The following FGF14 variants were observed in gnomAD, a reference collection of about 807,000 sequenced individuals.
The protein encoded by FGF14 is fibroblast growth factor 14.
A neutral mutation model predicts 25.5 loss-of-function variants in FGF14; 5 were observed. The ratio of observed to expected loss-of-function variants is 0.20; its 90% CI spans 0.10 to 0.41. The LOEUF is 0.41. Among genes scored for constraint, FGF14 ranks in the 10% least tolerant of loss-of-function variants. The pLI is 1.00. For missense variants in FGF14, 222 were observed against 320.1 expected (o/e 0.69, Z 2.34); for synonymous variants, 138 against 118.3 (o/e 1.17, Z -1.08).
At chr13:101,765,680 T>G (rs1010854135) in intron 3 of FGF14, among the ~76,000 whole-genome samples, 1 of 151,752 alleles carries the variant, frequency 6.6e-6, no homozygotes, top group Admixed American at 6.6e-5. Context: ...AAATCCTCTG[T>G]GCATATAGAA....
intron 3 of FGF14, among the ~76,000 whole-genome samples, chr13:101,805,181 A>G (rs757757923): frequency 2.0e-5 from 3 of 152,174 alleles, no homozygotes; most frequent in Admixed American, 6.6e-5. Flanking sequence ...GAAGCCTGAT[A>G]GGGTTGAGAA....
intron 1 of FGF14, among the ~76,000 whole-genome samples, chr13:102,036,728 C>G (rs570245440): frequency 2.0e-5 from 3 of 152,018 alleles, no homozygotes; most frequent in African/African-American, 7.2e-5. Context: ...AGAAGAACAA[C>G]AACAACAACA....
At chr13:102,363,330 T>A (rs1449544350) in intron 1 of FGF14, among the ~76,000 whole-genome samples, 3 of 152,190 alleles carry the variant, frequency 2.0e-5, no homozygotes, top group African/African-American at 7.2e-5. Context: ...AAATATTCAT[T>A]TGGGATGGCA....
At chr13:101,806,921 A>G (rs1282310192) in intron 3 of FGF14, among the ~76,000 whole-genome samples, 1 of 152,188 alleles carries the variant, frequency 6.6e-6, no homozygotes, top group Non-Finnish European at 1.5e-5. Flanking sequence ...ACTAGATTTA[A>G]TACCTACTCA....
intron 1 of FGF14, among the ~76,000 whole-genome samples, chr13:102,141,090 A>G (rs948072833): frequency 6.6e-6 from 1 of 152,220 alleles, no homozygotes; most frequent in South Asian, 2.1e-4. Context: ...AATATATTGT[A>G]GGGCTTCCTC....
At chr13:101,772,965 T>C (rs1461633463) in intron 3 of FGF14, among the ~76,000 whole-genome samples, 1 of 152,144 alleles carries the variant, frequency 6.6e-6, no homozygotes, top group East Asian at 1.9e-4. Flanking sequence ...ATAAAAAATA[T>C]ATAGATAGCA....
chr13:102,119,029 C>T (rs1207020609), intron 1 of FGF14, among the ~76,000 whole-genome samples: 1 of 149,758 alleles, frequency 6.7e-6, no homozygotes, highest in East Asian at 1.9e-4. Context: ...TTCAGCCAAA[C>T]ATCATCACTG....
intron 1 of FGF14, among the ~76,000 whole-genome samples, chr13:102,147,939 ATAAG>A (rs1381594457): frequency 6.6e-6 from 1 of 152,232 alleles, no homozygotes; most frequent in Non-Finnish European, 1.5e-5. Context: ...GCACACACAC[ATAAG>A]TAATAATTAC....
chr13:101,824,310 G>C (rs1195731104), intron 3 of FGF14, among the ~76,000 whole-genome samples: 1 of 152,026 alleles, frequency 6.6e-6, no homozygotes, highest in African/African-American at 2.4e-5. Context: ...AATATGATGG[G>C]CTTATATTTA....
intron 1 of FGF14, among the ~76,000 whole-genome samples, chr13:102,118,294 C>A (rs934461343): frequency 1.3e-5 from 2 of 151,808 alleles, no homozygotes; most frequent in Non-Finnish European, 2.9e-5. Context: ...AGGAACCAAG[C>A]TTGTTAATGT....
chr13:101,837,740 T>C (rs2042996465), intron 3 of FGF14, among the ~76,000 whole-genome samples: 1 of 152,092 alleles, frequency 6.6e-6, no homozygotes. Context: ...TATCCTGAAA[T>C]ATATTCTGAT....
At chr13:102,234,206 C>T (rs1273810396) in intron 1 of FGF14, among the ~76,000 whole-genome samples, 1 of 151,254 alleles carries the variant, frequency 6.6e-6, no homozygotes, top group East Asian at 2.0e-4. Flanking sequence ...GTACTTAATA[C>T]CATGGAAATA....
At chr13:101,968,628 G>C (rs934374796) in intron 1 of FGF14, among the ~76,000 whole-genome samples, 9 of 142,950 alleles carry the variant, frequency 6.3e-5, no homozygotes, top group African/African-American at 1.0e-4. Flanking sequence ...AGCTGAGATC[G>C]TGCCACTGCA....
At chr13:101,762,267 T>C (rs558715350) in intron 3 of FGF14, among the ~76,000 whole-genome samples, 1 of 152,182 alleles carries the variant, frequency 6.6e-6, no homozygotes, top group Non-Finnish European at 1.5e-5. Context: ...TATTTTGAAA[T>C]AGCAAGACAC....
intron 1 of FGF14, among the ~76,000 whole-genome samples, chr13:101,927,784 T>A (rs1203061032): frequency 6.6e-6 from 1 of 152,096 alleles, no homozygotes; most frequent in Non-Finnish European, 1.5e-5. Context: ...CTCCTGGCTT[T>A]CCCAACACAC....
chr13:102,270,702 G>A (rs186576237), intron 1 of FGF14, among the ~76,000 whole-genome samples: 62 of 151,996 alleles, frequency 4.1e-4, no homozygotes, highest in Non-Finnish European at 4.3e-4. Flanking sequence ...TTTATGTCTG[G>A]GTATTTGTTT....
chr13:102,199,844 A>G (rs566034697), intron 1 of FGF14, among the ~76,000 whole-genome samples: 34 of 152,170 alleles, frequency 2.2e-4, no homozygotes, highest in African/African-American at 7.0e-4. Flanking sequence ...TTCTCTCCCT[A>G]TCTGAGACCC....
intron 1 of FGF14, among the ~76,000 whole-genome samples, chr13:102,386,125 A>G (rs1295008271): frequency 6.6e-6 from 1 of 151,444 alleles, no homozygotes; most frequent in Non-Finnish European, 1.5e-5. Context: ...CCAACAAAAT[A>G]TACAGTAATT....
chr13:102,205,400 T>C (rs1285283539), intron 1 of FGF14, among the ~76,000 whole-genome samples: 1 of 152,136 alleles, frequency 6.6e-6, no homozygotes, highest in Non-Finnish European at 1.5e-5. Flanking sequence ...TTATAGTCAA[T>C]ATATAATAAT....
Sources: gnomAD v4.1 joint callset for allele counts (sites outside exome capture counted in the v4.1 genomes callset) on GRCh38, gnomAD v4.1.1 for gene constraint, MANE v1.5 for transcripts, NCBI Gene and HGNC (gene_info 2026-07-23, HGNC 2026-07-21) for gene names.